TAOK1: variants seen among roughly 807,000 people sequenced by gnomAD.
The protein encoded by TAOK1 is TAO kinase 1, also known as serine/threonine-protein kinase TAO1.
A neutral mutation model predicts 138.3 loss-of-function variants in TAOK1; 21 were observed. The observed-to-expected ratio is 0.15, with a 90% CI of 0.11 to 0.22. TAOK1 has a LOEUF of 0.22. Ranked by LOEUF, TAOK1 falls within the 10% of genes least tolerant of loss-of-function variation. TAOK1 has a pLI of 1.00. For synonymous variants in TAOK1, 361 were observed against 398.4 expected, an observed-to-expected ratio of 0.91 and a Z score of 1.12; for missense variants, 651 against 1,227.7, an observed-to-expected ratio of 0.53 and a Z score of 7.02.
chr17:29,535,600 A>G (rs2150775542), intron 19 of TAOK1, among the ~76,000 whole-genome samples: 1 of 152,056 alleles, frequency 6.6e-6, no homozygotes, highest in South Asian at 2.1e-4. Context: ...CATGCTTGTA[A>G]TCCCAGCACT....
chr17:29,534,031 A>C, intron 18 of TAOK1, 87 bp from the exon 19 acceptor site: 1 of 1,350,130 alleles, frequency 7.4e-7, no homozygotes. Context: ...TCTGTCTTCT[A>C]ACACTCCTCC....
chr17:29,502,406 G>A (rs2031546607), intron 12 of TAOK1, among the ~76,000 whole-genome samples, 183 bp from the exon 13 acceptor site: 1 of 152,198 alleles, frequency 6.6e-6, no homozygotes, highest in Admixed American at 6.5e-5. Context: ...CTCCAATCTG[G>A]GTGACACAGT....
intron 1 of TAOK1, among the ~76,000 whole-genome samples, chr17:29,391,686 C>T (rs1327453375): frequency 6.6e-6 from 1 of 152,184 alleles, no homozygotes; most frequent in Non-Finnish European, 1.5e-5. Context: ...TTTTAATACT[C>T]TTCCCCTGAG....
intron 1 of TAOK1, among the ~76,000 whole-genome samples, chr17:29,392,454 G>T (rs1211350076): frequency 2.0e-5 from 3 of 152,016 alleles, no homozygotes; most frequent in Non-Finnish European, 4.4e-5. Flanking sequence ...TTTGCTACCT[G>T]TCATGTTTGT....
intron 6 of TAOK1, among the ~76,000 whole-genome samples, chr17:29,479,881 A>G (rs1322219021): frequency 1.3e-5 from 2 of 152,118 alleles, no homozygotes; most frequent in African/African-American, 2.4e-5. Context: ...TAGGAAAACT[A>G]TGCTGACGTT....
At chr17:29,443,816 A>G (rs542298258) in intron 1 of TAOK1, among the ~76,000 whole-genome samples, 1 of 152,322 alleles carries the variant, frequency 6.6e-6, no homozygotes, top group South Asian at 2.1e-4. Context: ...AAATATTTAT[A>G]TTTTTAAACC....
chr17:29,409,935 G>A (rs1253594385), intron 1 of TAOK1, among the ~76,000 whole-genome samples: 1 of 152,114 alleles, frequency 6.6e-6, no homozygotes, highest in Non-Finnish European at 1.5e-5. Flanking sequence ...TGCTGACATT[G>A]AATTTATAGG....
intron 1 of TAOK1, among the ~76,000 whole-genome samples, chr17:29,398,051 G>A (rs909896816): frequency 6.6e-6 from 1 of 151,788 alleles, no homozygotes; most frequent in South Asian, 2.1e-4. Flanking sequence ...AGTTTTTTTC[G>A]AGAAACGGGG....
In TAOK1 at chr17:29,541,135, A is replaced by C. The variant is rs1243008895; in HGVS notation, c.2545-1426A>C. ...TATTTGTTTGTTTGTTTTGAGATGG[A>C]GTCTCAGTCTGTCGCCGAGGCTGGA... On this transcript the variant is annotated intron_variant, in intron 19 of 19. Coordinates refer to ENST00000261716, the MANE Select transcript of TAOK1 (RefSeq NM_020791.4). Among the ~76,000 whole-genome samples, 4 of 151,982 alleles carry C rather than the reference A, an allele frequency of 2.6e-5. No individual in the cohort carries two copies. In the East Asian group the frequency reaches 7.8e-4, roughly 30 times the overall value.
intron 1 of TAOK1, among the ~76,000 whole-genome samples, chr17:29,450,285 C>G (rs1264826301): frequency 6.6e-6 from 1 of 152,132 alleles, no homozygotes; most frequent in Admixed American, 6.5e-5. Context: ...GAAGATCTTG[C>G]TGTGTTGTCT....
At chr17:29,436,111 C>T (rs1341576333) in intron 1 of TAOK1, among the ~76,000 whole-genome samples, 2 of 152,106 alleles carry the variant, frequency 1.3e-5, no homozygotes, top group East Asian at 1.9e-4. Context: ...GCCTGGGCAA[C>T]AAGAGTGAAA....
intron 2 of TAOK1, among the ~76,000 whole-genome samples, chr17:29,462,988 A>AC (rs1408219781): frequency 6.6e-6 from 1 of 152,114 alleles, no homozygotes; most frequent in African/African-American, 2.4e-5. Context: ...TCTGTTCTAC[A>AC]CAGTGTTTTA....
chr17:29,391,728 G>A (rs1426479350), intron 1 of TAOK1, among the ~76,000 whole-genome samples: 1 of 152,184 alleles, frequency 6.6e-6, no homozygotes, highest in Non-Finnish European at 1.5e-5. Flanking sequence ...CTGTTCTGGT[G>A]TTATTGTTGG....
Position 29,549,416 on chromosome 17 carries a change from G to A in TAOK1, c.*6394G>A, listed in dbSNP as rs1017505205. The A allele has an allele frequency of 1.3e-5, 2 of 152,196 alleles. No homozygotes were observed. Among genetic ancestry groups the A allele is most frequent in the African/African-American group, 4.8e-5 (2 of 41,446 alleles). 9.4% of individuals were successfully genotyped at this position (152,196 alleles called of 1,614,324 possible). A position where few individuals can be genotyped will look rare whatever the true frequency, so the allele number is the denominator to read the frequency against. On this transcript the variant is annotated 3_prime_UTR_variant, in exon 20 of 20. Coordinates refer to ENST00000261716, the MANE Select transcript of TAOK1 (RefSeq NM_020791.4). ...AGATACCAGTGTTAATGAAAAGTGT[G>A]TGCTCTTTGCTTTTGCATGGCTTGG...
chr17:29,485,543 G>A (rs778017884), intron 8 of TAOK1, among the ~76,000 whole-genome samples: 4 of 152,190 alleles, frequency 2.6e-5, no homozygotes, highest in Non-Finnish European at 5.9e-5. Flanking sequence ...GGAGGCAGAG[G>A]TGGACGACCC....
chr17:29,495,649 G>T lies in TAOK1; in HGVS notation c.921G>T (p.Leu307=), dbSNP rs201026261. 6.2e-7 allele frequency: 1 copy of T among 1,611,398 alleles called. No individual in the cohort carries two copies. Residue 307 remains leucine (L), a synonymous_variant, in exon 11 of 20, where the codon CTG becomes CTT. Transcript: ENST00000261716. ...TKDAVRELDN[L]QYRKMKKLLF... The stretch of plus-strand genomic sequence containing the variant: ...ATGCAGTAAGAGAGCTGGACAATCT[G>T]CAGTATCGAAAGATGAAGAAACTCC...
At chr17:29,425,670 A>AAAAC (rs779351363) in intron 1 of TAOK1, among the ~76,000 whole-genome samples, 2 of 139,452 alleles carry the variant, frequency 1.4e-5, no homozygotes, top group Non-Finnish European at 3.1e-5. Context: ...TCAAAAATGA[A>AAAAC]AAACAAACAA....
intron 1 of TAOK1, among the ~76,000 whole-genome samples, chr17:29,411,380 C>CG (rs563709918): frequency 7.2e-4 from 107 of 149,326 alleles, no homozygotes; most frequent in African/African-American, 2.5e-3. Flanking sequence ...CGTGAGCCAC[C>CG]GCGCCCGGCC....
At chr17:29,411,016 A>G (rs1298902360) in intron 1 of TAOK1, among the ~76,000 whole-genome samples, 1 of 151,592 alleles carries the variant, frequency 6.6e-6, no homozygotes, top group Non-Finnish European at 1.5e-5. Context: ...ACATATTGGT[A>G]TAAGACTTAT....
Sources: allele counts gnomAD v4.1 joint callset (sites outside exome capture counted in the v4.1 genomes callset), GRCh38; gene constraint gnomAD v4.1.1; transcripts MANE v1.5; gene names NCBI Gene and HGNC (gene_info 2026-07-23, HGNC 2026-07-21).